ASAP3: variants seen among roughly 807,000 people sequenced by gnomAD.
ASAP3 encodes arf-GAP with SH3 domain, ANK repeat and PH domain-containing protein 3.
Under a neutral mutation model 118.2 loss-of-function variants are expected in ASAP3, and 85 were observed. That is an observed-to-expected ratio of 0.72 (90% CI 0.60 to 0.86). The LOEUF (loss-of-function observed/expected upper bound fraction) is 0.86, where lower values mean the gene tolerates loss of function less well. Ranked by LOEUF, ASAP3 falls within the 40% of genes least tolerant of loss-of-function variation. The pLI is 0.00. For synonymous variants in ASAP3, 432 were observed against 477.4 expected, an observed-to-expected ratio of 0.90 and a Z score of 1.24; for missense variants, 1,026 against 1,175.0, an observed-to-expected ratio of 0.87 and a Z score of 1.85.
intron 1 of ASAP3, among the ~76,000 whole-genome samples, chr1:23,483,593 G>C (rs1178172075): frequency 6.6e-6 from 1 of 152,126 alleles, no homozygotes; most frequent in African/African-American, 2.4e-5. Context: ...CTCTGCAGCC[G>C]GGGGGAAGAA....
rs10664798 is a variant in ASAP3, at chr1:23,473,974, CTTTTTTTTT to C, written c.129+10022_129+10030del. 9.8e-4 allele frequency among the ~76,000 whole-genome samples: 71 copies of C among 72,108 alleles called. 1 individual carries two copies. Among genetic ancestry groups the C allele is most frequent in the South Asian group, 3.1e-3 (5 of 1,606 alleles). The allele number at this position is 72,108 out of a possible 152,430, so 47.3% of individuals were successfully genotyped here. A position where few individuals can be genotyped will look rare whatever the true frequency, so the allele number is the denominator to read the frequency against. On this transcript the variant is annotated intron_variant, in intron 1 of 24. Transcript: ENST00000336689. Reference sequence around the variant, plus strand: ...AGGCGAAAATGGCATTAAATCTGCTCTTTTTTTTTTTTTTTTTTTTTTTTGAGATGGAGC... The same window carrying C: ...AGGCGAAAATGGCATTAAATCTGCTCTTTTTTTTTTTTTTTGAGATGGAGC...
chr1:23,463,193 CCTTCAAGAGAACCACAGA>C (rs1430146774), intron 1 of ASAP3, among the ~76,000 whole-genome samples: 1 of 152,140 alleles, frequency 6.6e-6, no homozygotes, highest in Non-Finnish European at 1.5e-5. Context: ...ATGGCCCCTT[CCTTCAAGAGAACCACAGA>C]CTTAAGAACA....
chr1:23,467,933 C>G (rs1369378709), intron 1 of ASAP3, among the ~76,000 whole-genome samples: 2 of 124,008 alleles, frequency 1.6e-5, no homozygotes, highest in Admixed American at 2.2e-4. Context: ...GCCTGGGTGA[C>G]AGAGTGAGAC....
At chr1:23,433,317 G>A (rs367575520) in intron 21 of ASAP3, 45 bp from the exon 22 acceptor site, 46 of 1,607,070 alleles carry the variant, frequency 2.9e-5, no homozygotes, top group Admixed American at 1.0e-4. Flanking sequence ...TGGTTCCTCC[G>A]GTGTAGCCCT....
intron 1 of ASAP3, among the ~76,000 whole-genome samples, chr1:23,482,453 CAG>C (rs1642336465): frequency 1.3e-5 from 2 of 152,002 alleles, no homozygotes; most frequent in Admixed American, 1.3e-4. Flanking sequence ...ACCCGGGAGG[CAG>C]AGATTGCAGT....
intron 1 of ASAP3, among the ~76,000 whole-genome samples, chr1:23,473,248 T>C (rs1642017306): frequency 2.0e-5 from 3 of 152,226 alleles, no homozygotes; most frequent in African/African-American, 7.2e-5. Flanking sequence ...GCCTCGCCCC[T>C]GGGAGATTCT....
intron 10 of ASAP3, among the ~76,000 whole-genome samples, chr1:23,440,227 C>T (rs190390114): frequency 8.4e-4 from 126 of 150,008 alleles, no homozygotes; most frequent in African/African-American, 7.1e-4. Flanking sequence ...ATAGGCTGGG[C>T]GCAGTGGCTC....
intron 1 of ASAP3, among the ~76,000 whole-genome samples, chr1:23,459,939 G>C (rs1016426836): frequency 3.3e-5 from 5 of 152,184 alleles, no homozygotes; most frequent in Admixed American, 2.6e-4. Flanking sequence ...CTAGAATAAA[G>C]ACTACATTTC....
intron 3 of ASAP3, 98 bp from the exon 4 acceptor site, chr1:23,452,869 G>C: frequency 8.4e-7 from 1 of 1,191,216 alleles, no homozygotes; most frequent in Non-Finnish European, 1.2e-6. Flanking sequence ...AAAGAGAGCA[G>C]CGGGGAAGGG....
At chr1:23,444,527 TCTC>T (rs1319704695) in intron 5 of ASAP3, among the ~76,000 whole-genome samples, 3 of 152,184 alleles carry the variant, frequency 2.0e-5, no homozygotes, top group Non-Finnish European at 4.4e-5. Flanking sequence ...TGAGCCTTGG[TCTC>T]CTCATCTGGA....
intron 1 of ASAP3, among the ~76,000 whole-genome samples, chr1:23,471,844 A>G (rs191484271): frequency 2.9e-4 from 44 of 152,358 alleles, no homozygotes; most frequent in Admixed American, 8.5e-4. Flanking sequence ...ATAACTGGAC[A>G]GGCCCTGTGT....
intron 1 of ASAP3, among the ~76,000 whole-genome samples, chr1:23,467,078 G>A (rs1374135105): frequency 6.6e-6 from 1 of 151,876 alleles, no homozygotes; most frequent in Non-Finnish European, 1.5e-5. Flanking sequence ...TGGCCAGGCT[G>A]GTCTTGAACT....
At chr1:23,440,855 C>CA (rs35532104) in intron 10 of ASAP3, among the ~76,000 whole-genome samples, 263 of 109,892 alleles carry the variant, frequency 2.4e-3, no homozygotes, top group Non-Finnish European at 2.8e-3. Context: ...GACTCTATCT[C>CA]AAAAAAAAAA....
chr1:23,483,907 G>T, intron 1 of ASAP3, 98 bp downstream of exon 1: 1 of 1,168,020 alleles, frequency 8.6e-7, no homozygotes, highest in Non-Finnish European at 1.1e-6. Flanking sequence ...GTTTCGGGGC[G>T]CGGTGAAGGG....
chr1:23,483,832 C>A (rs1295268461), intron 1 of ASAP3, among the ~76,000 whole-genome samples, 173 bp downstream of exon 1: 1 of 152,226 alleles, frequency 6.6e-6, no homozygotes, highest in East Asian at 1.9e-4. Context: ...CCTTCCCCCG[C>A]CTCGACGGTG....
At chr1:23,483,084 A>C (rs903502263) in intron 1 of ASAP3, among the ~76,000 whole-genome samples, 3 of 152,180 alleles carry the variant, frequency 2.0e-5, no homozygotes, top group Non-Finnish European at 4.4e-5. Context: ...AGAGAAGAGG[A>C]CAGATTTCCT....
intron 1 of ASAP3, 151 bp downstream of exon 1, chr1:23,483,854 G>T (rs1432456307): frequency 2.3e-6 from 2 of 865,354 alleles, no homozygotes; most frequent in South Asian, 1.1e-4. Context: ...GGACGCAGCT[G>T]TTGGAGATGC....
intron 1 of ASAP3, among the ~76,000 whole-genome samples, chr1:23,467,273 G>C (rs1641805766): frequency 6.6e-6 from 1 of 151,566 alleles, no homozygotes; most frequent in African/African-American, 2.4e-5. Context: ...CGTGATCTCG[G>C]CTCACTGCAA....
intron 8 of ASAP3, 87 bp from the exon 9 acceptor site, chr1:23,441,560 C>T: frequency 1.3e-6 from 2 of 1,598,192 alleles, no homozygotes; most frequent in East Asian, 2.2e-5. Context: ...GCAGTAGCCT[C>T]ACTCTGTGGG....
Sources: gnomAD v4.1 joint callset for allele counts (sites outside exome capture counted in the v4.1 genomes callset) on GRCh38, gnomAD v4.1.1 for gene constraint, MANE v1.5 for transcripts, NCBI Gene and HGNC (gene_info 2026-07-23, HGNC 2026-07-21) for gene names.